SAMD12: variants seen among roughly 807,000 people sequenced by gnomAD.
SAMD12 encodes the protein sterile alpha motif domain-containing protein 12.
Under a neutral mutation model 15.0 loss-of-function variants are expected in SAMD12, and 9 were observed. That is an observed-to-expected ratio of 0.60 (90% CI 0.36 to 1.05). SAMD12 has a LOEUF of 1.05. SAMD12 is among the 50% of genes least tolerant of loss of function. The pLI is 0.01. For synonymous variants in SAMD12, 86 were observed against 90.1 expected, an observed-to-expected ratio of 0.96 and a Z score of 0.25; for missense variants, 230 against 234.2, an observed-to-expected ratio of 0.98 and a Z score of 0.12.
chr8:118,262,598 C>T (rs1813104791), intron 4 of SAMD12, among the ~76,000 whole-genome samples: 5 of 152,058 alleles, frequency 3.3e-5, no homozygotes, highest in Admixed American at 3.3e-4. Flanking sequence ...GAGGTGGCGG[C>T]ACAGACAACA....
chr8:118,353,418 A>G (rs563153770), intron 4 of SAMD12, among the ~76,000 whole-genome samples: 8 of 151,946 alleles, frequency 5.3e-5, no homozygotes, highest in Non-Finnish European at 7.4e-5. Context: ...ACAAGGGTGG[A>G]GTCTTTAGAA....
chr8:118,608,538 C>T (rs1828034110), intron 1 of SAMD12, among the ~76,000 whole-genome samples: 1 of 152,078 alleles, frequency 6.6e-6, no homozygotes, highest in African/African-American at 2.4e-5. Context: ...GAGTCTCACT[C>T]TGTAGCCCAG....
chr8:118,172,783 T>C, the SAMD12 span, among the ~76,000 whole-genome samples: 1 of 152,194 alleles, frequency 6.6e-6, no homozygotes, highest in African/African-American at 2.4e-5. Context: ...GAGCTCCTTT[T>C]TGACAATTTT....
intron 2 of SAMD12, among the ~76,000 whole-genome samples, chr8:118,537,242 A>T (rs990688292): frequency 2.0e-5 from 3 of 152,066 alleles, no homozygotes; most frequent in African/African-American, 7.2e-5. Flanking sequence ...TCTGATTATT[A>T]AGTCTTGAGG....
chr8:118,578,431 C>A (rs148867170), intron 2 of SAMD12, among the ~76,000 whole-genome samples: 1 of 152,256 alleles, frequency 6.6e-6, no homozygotes, highest in East Asian at 1.9e-4. Context: ...TCAAGCTTGT[C>A]ATCCAGAAAA....
chr8:118,499,848 G>A (rs1824728622), intron 2 of SAMD12, among the ~76,000 whole-genome samples: 1 of 152,104 alleles, frequency 6.6e-6, no homozygotes. Flanking sequence ...GTCCTCAAGA[G>A]AATCAACAGA....
At chr8:118,372,875 G>C (rs1184439950) in intron 4 of SAMD12, among the ~76,000 whole-genome samples, 1 of 152,052 alleles carries the variant, frequency 6.6e-6, no homozygotes, top group Non-Finnish European at 1.5e-5. Context: ...TCACAGCTTT[G>C]ATAAGTCTAA....
At chr8:118,562,915 C>G (rs1414183993) in intron 2 of SAMD12, among the ~76,000 whole-genome samples, 1 of 152,106 alleles carries the variant, frequency 6.6e-6, no homozygotes, top group Non-Finnish European at 1.5e-5. Context: ...CTGTCATCTT[C>G]ATGGAGATTG....
At chr8:118,621,736 A>T (rs754141088) in intron 1 of SAMD12, 68 bp downstream of exon 1, 20 of 1,576,478 alleles carry the variant, frequency 1.3e-5, no homozygotes, top group Non-Finnish European at 1.4e-5. Context: ...GCCAAGCTTC[A>T]TCGGGGATGT....
At chr8:118,510,255 C>T (rs1489783426) in intron 2 of SAMD12, among the ~76,000 whole-genome samples, 1 of 150,324 alleles carries the variant, frequency 6.7e-6, no homozygotes, top group Non-Finnish European at 1.5e-5. Context: ...CACATGCATG[C>T]ACACACACAC....
At chr8:118,532,680 T>A (rs1485984940) in intron 2 of SAMD12, among the ~76,000 whole-genome samples, 3 of 152,216 alleles carry the variant, frequency 2.0e-5, no homozygotes. Context: ...GGTGTATGTG[T>A]CCAGGAATTT....
chr8:118,575,699 A>C lies in SAMD12; in HGVS notation c.192+5016T>G, dbSNP rs187285636. Among the ~76,000 whole-genome samples, 460 of 152,194 alleles carry C rather than the reference A, an allele frequency of 3.0e-3. 1 individual carries two copies. Among genetic ancestry groups the C allele is most frequent in the Non-Finnish European group, 5.4e-3 (369 of 68,024 alleles). On this transcript the variant is annotated intron_variant, in intron 2 of 3. Transcript: ENST00000314727. Reference sequence around the variant, plus strand: ...TGACTCCAGGAATTAGCATTGTGGCAGGAAAAAACAAAGGATTATCAACCT... The same window carrying C: ...TGACTCCAGGAATTAGCATTGTGGCCGGAAAAAACAAAGGATTATCAACCT...
intron 2 of SAMD12, among the ~76,000 whole-genome samples, chr8:118,507,554 C>A (rs1172075681): frequency 6.6e-6 from 1 of 152,086 alleles, no homozygotes; most frequent in African/African-American, 2.4e-5. Context: ...AGATCTCAGA[C>A]TTAATTGGGA....
intron 2 of SAMD12, among the ~76,000 whole-genome samples, chr8:118,470,260 A>ATT (rs1563879826): frequency 1.2e-4 from 16 of 137,084 alleles, no homozygotes; most frequent in African/African-American, 5.3e-4. Flanking sequence ...TTTTTTTTAA[A>ATT]AAAAAAGGAG....
At chr8:118,603,645 A>G (rs1455801353) in intron 1 of SAMD12, among the ~76,000 whole-genome samples, 1 of 152,196 alleles carries the variant, frequency 6.6e-6, no homozygotes, top group East Asian at 1.9e-4. Flanking sequence ...CAAGGTGAAA[A>G]CAAAGAACAC....
chr8:118,221,774 T>C (rs933707424), intron 4 of SAMD12, among the ~76,000 whole-genome samples: 1 of 152,206 alleles, frequency 6.6e-6, no homozygotes, highest in Admixed American at 6.5e-5. Context: ...GTTCTGCAGG[T>C]AGGGGATTAT....
intron 4 of SAMD12, among the ~76,000 whole-genome samples, chr8:118,230,418 A>T (rs763840153): frequency 1.2e-4 from 19 of 152,154 alleles, no homozygotes; most frequent in Admixed American, 6.5e-5. Flanking sequence ...TATTCCAACT[A>T]CTGATTCCTA....
chr8:118,253,256 C>T (rs543725450), intron 4 of SAMD12, among the ~76,000 whole-genome samples: 1 of 152,248 alleles, frequency 6.6e-6, no homozygotes, highest in African/African-American at 2.4e-5. Flanking sequence ...GTACTATTAG[C>T]TCTCTCTTTG....
intron 3 of SAMD12, among the ~76,000 whole-genome samples, chr8:118,432,304 A>AT (rs71307458): frequency 0.54 from 81,580 of 151,890 alleles, 24,303 homozygotes; most frequent in Non-Finnish European, 0.65. Flanking sequence ...ATGCTTTGTA[A>AT]TTTTTTGTGT....
Sources: allele counts gnomAD v4.1 joint callset (sites outside exome capture counted in the v4.1 genomes callset), GRCh38; gene constraint gnomAD v4.1.1; transcripts MANE v1.5; gene names NCBI Gene and HGNC (gene_info 2026-07-23, HGNC 2026-07-21).